Variants in PLEKHA6 observed in about 807,000 individuals in gnomAD.
The protein encoded by PLEKHA6 is pleckstrin homology domain-containing family A member 6.
A neutral mutation model predicts 116.7 loss-of-function variants in PLEKHA6; 60 were observed. That is an observed-to-expected ratio of 0.51 (90% CI 0.42 to 0.64). The LOEUF (loss-of-function observed/expected upper bound fraction) is 0.64, where lower values mean the gene tolerates loss of function less well. PLEKHA6 is among the 30% of genes least tolerant of loss of function. PLEKHA6 has a pLI of 0.00. For synonymous variants in PLEKHA6, 489 were observed against 556.1 expected (o/e 0.88, Z 1.70); for missense variants, 1,338 against 1,422.7 (o/e 0.94, Z 0.96).
Position 204,336,287 on chromosome 1 carries a change from C to T in PLEKHA6, c.-95+23407G>A, listed in dbSNP as rs1180895640. Among the ~76,000 whole-genome samples the T allele has an allele frequency of 2.6e-5, 4 of 152,328 alleles. No individual in the cohort carries two copies. The South Asian group carries it at 8.3e-4, about 32-fold the overall frequency. ...AGGGTGCCTCTACCTCTGGTCTGGT[C>T]TCCCTGCTCCCCGCAAGTGACAATC... is the stretch of plus-strand genomic sequence containing the variant. On this transcript the variant is annotated intron_variant, in intron 1 of 22. Transcript: ENST00000272203.
chr1:204,366,169 T>A (rs553299041), intron 3 of PLEKHA6, among the ~76,000 whole-genome samples: 1 of 152,158 alleles, frequency 6.6e-6, no homozygotes. Flanking sequence ...TAGTGAACAA[T>A]CTCTAGAGCC....
chr1:204,350,600 G>A (rs1038217321), intron 1 of PLEKHA6, among the ~76,000 whole-genome samples: 1 of 152,170 alleles, frequency 6.6e-6, no homozygotes, highest in Admixed American at 6.5e-5. Flanking sequence ...CGCTGACGGT[G>A]CCAGGCACTG....
Position 204,258,364 on chromosome 1 carries a change from A to G in PLEKHA6, c.1008-495T>C, listed in dbSNP as rs1050780542. On this transcript the variant is annotated intron_variant, in intron 8 of 22. Coordinates refer to ENST00000272203, the MANE Select transcript of PLEKHA6 (RefSeq NM_014935.5). ...CTGCAGCCTTGAACTCCTGGGCTCA[A>G]GCAATCCTCCCACATCCACCTGTAG... 8.5e-5 allele frequency among the ~76,000 whole-genome samples: 13 copies of G among 152,336 alleles called. No individual in the cohort carries two copies. The East Asian group carries it at 2.5e-3, about 29-fold the overall frequency.
chr1:204,338,945 T>A (rs1672750264), intron 1 of PLEKHA6, among the ~76,000 whole-genome samples: 1 of 151,982 alleles, frequency 6.6e-6, no homozygotes, highest in African/African-American at 2.4e-5. Context: ...GGAAGTGGAG[T>A]CAATTCCCCA....
chr1:204,370,091 ATC>A (rs1338604371), intron 2 of PLEKHA6, among the ~76,000 whole-genome samples: 1 of 152,218 alleles, frequency 6.6e-6, no homozygotes, highest in African/African-American at 2.4e-5. Context: ...TTGAGCTCAG[ATC>A]TCTCTGCCTC....
intron 6 of PLEKHA6, among the ~76,000 whole-genome samples, chr1:204,264,724 A>T (rs1399713057): frequency 6.6e-6 from 1 of 152,052 alleles, no homozygotes; most frequent in African/African-American, 2.4e-5. Context: ...CCAAGAGAGG[A>T]GGAAGGTCCC....
At chr1:204,335,208 C>T (rs983271788) in intron 1 of PLEKHA6, among the ~76,000 whole-genome samples, 1 of 152,060 alleles carries the variant, frequency 6.6e-6, no homozygotes, top group African/African-American at 2.4e-5. Flanking sequence ...GATAACAAAC[C>T]CCTGCCCCCA....
intron 1 of PLEKHA6, chr1:204,311,739 C>T: frequency 1.2e-6 from 1 of 848,446 alleles, no homozygotes; most frequent in African/African-American, 1.8e-5. Flanking sequence ...CCTTTTCCTA[C>T]TTCCCAACAT....
intron 1 of PLEKHA6, chr1:204,282,739 A>C: frequency 1.0e-6 from 1 of 985,276 alleles, no homozygotes. Context: ...ACCCTGACCC[A>C]AATTGGAGAA....
At chr1:204,283,788 G>A (rs1668886559) in intron 1 of PLEKHA6, among the ~76,000 whole-genome samples, 1 of 152,218 alleles carries the variant, frequency 6.6e-6, no homozygotes, top group African/African-American at 2.4e-5. Flanking sequence ...GACTGTGTGT[G>A]ATGTGGGCTG....
rs1473354034 is a variant in PLEKHA6 at position 204,259,372 on chromosome 1, C to T, written c.893G>A (p.Ser298Asn). The T allele has an allele frequency of 3.1e-6, 5 of 1,614,268 alleles. No homozygotes were observed. The Admixed American group carries it at 8.3e-5, about 27-fold the overall frequency. ...GTCAGGGTTGGTGCGTGGTGGGAAA[C>T]TCCGCCGGTGTCCCCCAGTCTCTCC... ...QDGETGGHRR[S>N]FPPRTNPDKI... The change falls in exon 8 of 23, where the codon AGT becomes AAT. Residue 298 changes from serine (S) to asparagine (N), a missense_variant. Transcript: ENST00000272203. This position sits in a 1 kb window ranked among gnomAD's most constrained non-coding sequence, Gnocchi z 4.6.
rs567827502 is a variant in PLEKHA6, at chr1:204,258,732, G to C, written c.1007+526C>G. Among the ~76,000 whole-genome samples the C allele has an allele frequency of 9.2e-5, 14 of 152,336 alleles. No individual in the cohort carries two copies. In the South Asian group the frequency reaches 2.9e-3, roughly 32 times the overall value. On this transcript the variant is annotated intron_variant, in intron 8 of 22. Coordinates refer to ENST00000272203, the MANE Select transcript of PLEKHA6 (RefSeq NM_014935.5). ...TCAAAGTCAGTCATTGGATAAAGGC[G>C]TAAATGGTCATAGATGGCCATGTTG...
chr1:204,258,279 T>G (rs550405623), intron 8 of PLEKHA6, among the ~76,000 whole-genome samples: 1 of 152,262 alleles, frequency 6.6e-6, no homozygotes, highest in East Asian at 1.9e-4. Context: ...TTTTATATTA[T>G]TTTAGAGATG....
chr1:204,338,116 A>T (rs1672717984), intron 1 of PLEKHA6, among the ~76,000 whole-genome samples: 1 of 152,234 alleles, frequency 6.6e-6, no homozygotes, highest in African/African-American at 2.4e-5. Flanking sequence ...CCGAAGACCT[A>T]GATTTGAATT....
At chr1:204,262,869 CG>C (rs1666303081) in intron 6 of PLEKHA6, among the ~76,000 whole-genome samples, 1 of 151,928 alleles carries the variant, frequency 6.6e-6, no homozygotes, top group South Asian at 2.1e-4. Flanking sequence ...CTGAGACTTG[CG>C]ACGGATAGGG....
chr1:204,295,349 G>A (rs954412453), intron 1 of PLEKHA6, among the ~76,000 whole-genome samples: 6 of 152,132 alleles, frequency 3.9e-5, no homozygotes, highest in Admixed American at 3.3e-4. Flanking sequence ...AAGTAACCAG[G>A]TGTGGTGGCA....
chr1:204,336,563 C>CAT (rs1017415876), intron 1 of PLEKHA6, among the ~76,000 whole-genome samples: 1 of 148,924 alleles, frequency 6.7e-6, no homozygotes, highest in Non-Finnish European at 1.5e-5. Flanking sequence ...GGTGTGTGAG[C>CAT]GTGTGTGTGT....
chr1:204,367,930 C>T (rs1046375466), intron 2 of PLEKHA6: 2 of 152,282 alleles, frequency 1.3e-5, no homozygotes, highest in Non-Finnish European at 2.9e-5. Context: ...ACAAACCCCA[C>T]CTGCACTTAG....
chr1:204,248,977 A>G lies in PLEKHA6; in HGVS notation c.1675-7T>C. 1 of 1,613,624 alleles carries G rather than the reference A, an allele frequency of 6.2e-7. No individual in the cohort carries two copies. The highest frequency in any genetic ancestry group is 8.5e-7 in the Non-Finnish European group (1 of 1,179,744). ...AGGCACTTTCCAGGCTCTCCTGAAG[A>G]AAGGCAGGGGAATGACATGAGCAGC... On this transcript the variant is annotated splice_region_variant and splice_polypyrimidine_tract_variant and intron_variant, in intron 11 of 22. Transcript: ENST00000272203.
Sources: gnomAD v4.1 joint callset for allele counts (sites outside exome capture counted in the v4.1 genomes callset) on GRCh38, gnomAD v4.1.1 for gene constraint, Gnocchi (gnomAD v3.1) non-coding constraint, MANE v1.5 for transcripts, NCBI Gene and HGNC (gene_info 2026-07-23, HGNC 2026-07-21) for gene names.